FZD3: variants seen among roughly 807,000 people sequenced by gnomAD.
The protein encoded by FZD3 is frizzled class receptor 3.
In FZD3, 30 loss-of-function variants were observed where a neutral mutation model predicts 60.7. The observed-to-expected ratio is 0.49, with a 90% CI of 0.37 to 0.67. The LOEUF (loss-of-function observed/expected upper bound fraction) is 0.67, where lower values mean the gene tolerates loss of function less well. Ranked by LOEUF, FZD3 falls within the 30% of genes least tolerant of loss-of-function variation. FZD3 has a pLI of 0.00. For missense variants in FZD3, 605 were observed against 838.7 expected, an observed-to-expected ratio of 0.72 and a Z score of 3.44; for synonymous variants, 246 against 275.2, an observed-to-expected ratio of 0.89 and a Z score of 1.05.
chr8:28,527,660 C>A lies in FZD3; in HGVS notation c.900C>A (p.Gly300=). 6.2e-7 allele frequency: 1 copy of A among 1,614,026 alleles called. No homozygotes were observed. Among genetic ancestry groups the A allele is most frequent in the South Asian group, 1.1e-5 (1 of 91,066 alleles). ...TACTCTATTTTTTTACTATGGCTGGCAGTGTATGGTGGGTAATTCTTACCA... is the reference window on the plus strand; with the variant it reads ...TACTCTATTTTTTTACTATGGCTGGAAGTGTATGGTGGGTAATTCTTACCA... The part of the protein sequence containing the change: ...FMILYFFTMA[G]SVWWVILTIT... The change falls in exon 5 of 8, where the codon GGC becomes GGA. Residue 300 remains glycine, a synonymous_variant. Transcript: ENST00000240093. This position sits in a 1 kb window ranked among gnomAD's most constrained non-coding sequence, Gnocchi z 5.0.
At position 28,555,981 on chromosome 8, in the gene FZD3, G is replaced by A. The variant is rs1215617352; in HGVS notation, c.1787+10G>A. 6.5e-7 allele frequency: 1 copy of A among 1,530,894 alleles called. No individual in the cohort carries two copies. The highest frequency in any genetic ancestry group is 1.7e-5 in the Admixed American group (1 of 58,998). The allele number at this position is 1,530,894 out of a possible 1,614,324, so 94.8% of individuals were successfully genotyped here. A position where few individuals can be genotyped will look rare whatever the true frequency, so the allele number is the denominator to read the frequency against. On this transcript the variant is annotated intron_variant, in intron 7 of 7. Transcript: ENST00000240093. ...GATCACGTGATGGCAGGTGAGTTTTGTTAGTAGTGTAGTTTATTTCATAAG... is the reference window on the plus strand; with the variant it reads ...GATCACGTGATGGCAGGTGAGTTTTATTAGTAGTGTAGTTTATTTCATAAG...
intron 5 of FZD3, among the ~76,000 whole-genome samples, chr8:28,530,726 A>G (rs954693681): frequency 6.6e-6 from 1 of 152,118 alleles, no homozygotes; most frequent in Non-Finnish European, 1.5e-5. Context: ...CCCAGAGACA[A>G]CCATCATCGT....
chr8:28,509,802 T>C lies in FZD3; in HGVS notation c.189+6600T>C, dbSNP rs28475282. Among the ~76,000 whole-genome samples, 644 of 152,338 alleles carry C rather than the reference T, an allele frequency of 4.2e-3. 4 individuals carry two copies. The highest frequency in any genetic ancestry group is 0.014 in the Middle Eastern group (4 of 294). On this transcript the variant is annotated intron_variant, in intron 3 of 7. Transcript: ENST00000240093. Reference sequence around the variant, plus strand: ...TTTTTAAGGCTGAATAGTATTCCATTGTAGGTATATAACACATTTGGCTTA... The same window carrying C: ...TTTTTAAGGCTGAATAGTATTCCATCGTAGGTATATAACACATTTGGCTTA...
At chr8:28,559,476 A>C (rs1325449157) in intron 7 of FZD3, among the ~76,000 whole-genome samples, 1 of 152,202 alleles carries the variant, frequency 6.6e-6, no homozygotes, top group Non-Finnish European at 1.5e-5. Flanking sequence ...TATCTAGCAC[A>C]GTACTAGGCA....
intron 3 of FZD3, among the ~76,000 whole-genome samples, chr8:28,515,526 G>A (rs546688293): frequency 2.1e-4 from 32 of 152,342 alleles, no homozygotes; most frequent in African/African-American, 7.2e-4. Context: ...TGGGCTGTCC[G>A]CATGCGCAGT....
At chr8:28,503,237 A>G in intron 3 of FZD3, 35 bp downstream of exon 3, 3 of 1,385,646 alleles carry the variant, frequency 2.2e-6, no homozygotes, top group Non-Finnish European at 3.1e-6. Flanking sequence ...GTATCTTAGT[A>G]AATGACTCTT....
chr8:28,553,555 T>C (rs10092491), intron 6 of FZD3, among the ~76,000 whole-genome samples: 88,986 of 151,998 alleles, frequency 0.59, 26,238 homozygotes, highest in East Asian at 0.65. Context: ...AAAACTGAAG[T>C]TTTCCTTATA....
rs368143189 is a variant in FZD3, at chr8:28,539,775, A to G, written c.1404+11611A>G. On this transcript the variant is annotated intron_variant, in intron 5 of 7. Transcript: ENST00000240093. The stretch of plus-strand genomic sequence containing the variant: ...AAGTATAGATTCCTCTTGATAGGGA[A>G]AGAAGCCAAGGACTCTGCCAACCTG... 3.3e-5 allele frequency among the ~76,000 whole-genome samples: 5 copies of G among 152,206 alleles called. No individual in the cohort carries two copies. The East Asian group carries it at 7.7e-4, about 23-fold the overall frequency.
At chr8:28,535,275 T>G (rs549904078) in intron 5 of FZD3, among the ~76,000 whole-genome samples, 3 of 152,192 alleles carry the variant, frequency 2.0e-5, no homozygotes, top group Non-Finnish European at 4.4e-5. Context: ...AGTTTTAGAT[T>G]GACAGAAAAA....
chr8:28,551,571 T>C, intron 5 of FZD3, 32 bp from the exon 6 acceptor site: 1 of 1,483,812 alleles, frequency 6.7e-7, no homozygotes, highest in Non-Finnish European at 9.3e-7. Context: ...TATTTTTATA[T>C]ATTTAAGATG....
chr8:28,499,587 CT>C (rs905906926), intron 1 of FZD3, among the ~76,000 whole-genome samples: 11 of 147,992 alleles, frequency 7.4e-5, no homozygotes, highest in Admixed American at 1.4e-4. Flanking sequence ...TAAGTAGCCA[CT>C]TTTTTTTTTA....
chr8:28,546,969 CAAA>C (rs1242110166), intron 5 of FZD3, among the ~76,000 whole-genome samples: 26 of 76,722 alleles, frequency 3.4e-4, no homozygotes, highest in Non-Finnish European at 6.8e-4. Context: ...GACTCCGTCT[CAAA>C]AAAAAAAAAA....
chr8:28,531,263 A>C (rs1804868490), intron 5 of FZD3, among the ~76,000 whole-genome samples: 1 of 152,166 alleles, frequency 6.6e-6, no homozygotes, highest in Admixed American at 6.5e-5. Context: ...AAATGTATAT[A>C]TGTGAGATCA....
At chr8:28,554,919 G>A (rs987142151) in intron 6 of FZD3, among the ~76,000 whole-genome samples, 3 of 152,064 alleles carry the variant, frequency 2.0e-5, no homozygotes, top group African/African-American at 7.2e-5. Context: ...AGTTTTCATA[G>A]TAAGTCCTTT....
chr8:28,548,930 T>C (rs1805353810), intron 5 of FZD3, among the ~76,000 whole-genome samples: 1 of 152,186 alleles, frequency 6.6e-6, no homozygotes, highest in Admixed American at 6.5e-5. Flanking sequence ...TATTCTTAGG[T>C]GTTTTGTCTC....
At chr8:28,547,934 C>A (rs1340706490) in intron 5 of FZD3, among the ~76,000 whole-genome samples, 1 of 151,294 alleles carries the variant, frequency 6.6e-6, no homozygotes, top group East Asian at 2.0e-4. Flanking sequence ...CTCACTGCAA[C>A]CTGTGCCTCC....
intron 5 of FZD3, among the ~76,000 whole-genome samples, chr8:28,549,777 C>G (rs1049580110): frequency 1.3e-5 from 2 of 152,036 alleles, no homozygotes; most frequent in South Asian, 2.1e-4. Flanking sequence ...TTTTAAAAAT[C>G]AAGAATGAAT....
At chr8:28,502,113 C>T (rs1804010493) in intron 2 of FZD3, among the ~76,000 whole-genome samples, 1 of 152,100 alleles carries the variant, frequency 6.6e-6, no homozygotes, top group African/African-American at 2.4e-5. Context: ...GAATCATTTT[C>T]AAGAAGAAAA....
At chr8:28,532,570 G>A (rs1250371210) in intron 5 of FZD3, among the ~76,000 whole-genome samples, 2 of 152,034 alleles carry the variant, frequency 1.3e-5, no homozygotes, top group East Asian at 3.9e-4. Context: ...GGGGCTTACA[G>A]GCATGTGCTA....
Sources: gnomAD v4.1 joint callset for allele counts (sites outside exome capture counted in the v4.1 genomes callset) on GRCh38, gnomAD v4.1.1 for gene constraint, Gnocchi (gnomAD v3.1) non-coding constraint, MANE v1.5 for transcripts, NCBI Gene and HGNC (gene_info 2026-07-23, HGNC 2026-07-21) for gene names.